ZHX2: variants seen among roughly 807,000 people sequenced by gnomAD.
ZHX2 encodes the protein zinc fingers and homeoboxes 2.
ZHX2 carries 6 observed loss-of-function variants against 21.9 expected under a neutral mutation model. The observed-to-expected ratio is 0.27, with a 90% CI of 0.15 to 0.54. The LOEUF is 0.54. Among genes scored for constraint, ZHX2 ranks in the 20% least tolerant of loss-of-function variants. The pLI, the probability that ZHX2 is intolerant of heterozygous loss-of-function variation, is 0.95. For missense variants in ZHX2, 908 were observed against 1,090.7 expected, an observed-to-expected ratio of 0.83 and a Z score of 2.36; for synonymous variants, 434 against 437.1, an observed-to-expected ratio of 0.99 and a Z score of 0.09.
chr8:122,870,250 C>T (rs1239994502), intron 2 of ZHX2, among the ~76,000 whole-genome samples: 1 of 152,058 alleles, frequency 6.6e-6, no homozygotes, highest in African/African-American at 2.4e-5. Context: ...GTGCCGTGCT[C>T]AGGATGGAGC....
At chr8:122,841,384 A>C (rs1254559474) in intron 1 of ZHX2, among the ~76,000 whole-genome samples, 1 of 152,122 alleles carries the variant, frequency 6.6e-6, no homozygotes, top group Non-Finnish European at 1.5e-5. Context: ...GGCCTTCTCT[A>C]AGGCCTAGAG....
At chr8:122,914,643 A>G (rs946888350) in intron 2 of ZHX2, among the ~76,000 whole-genome samples, 16 of 152,066 alleles carry the variant, frequency 1.1e-4, no homozygotes, top group African/African-American at 3.9e-4. Flanking sequence ...ACTCGCAACC[A>G]ATTTTCTTTC....
intron 2 of ZHX2, among the ~76,000 whole-genome samples, chr8:122,875,149 A>T (rs1295569082): frequency 2.7e-3 from 16 of 5,886 alleles, no homozygotes; most frequent in African/African-American, 6.2e-3. Context: ...ATATATATAT[A>T]TATATATATA....
At chr8:122,921,496 C>T (rs1820738257) in intron 2 of ZHX2, among the ~76,000 whole-genome samples, 1 of 152,092 alleles carries the variant, frequency 6.6e-6, no homozygotes, top group Non-Finnish European at 1.5e-5. Flanking sequence ...GGTTTGGATC[C>T]GCAGATCTTA....
At chr8:122,882,348 T>C (rs2129794395) in intron 2 of ZHX2, among the ~76,000 whole-genome samples, 1 of 152,176 alleles carries the variant, frequency 6.6e-6, no homozygotes, top group Non-Finnish European at 1.5e-5. Flanking sequence ...GACAGCTCTC[T>C]TATTTCCCAA....
intron 2 of ZHX2, among the ~76,000 whole-genome samples, chr8:122,867,413 T>G (rs1819325920): frequency 1.3e-5 from 2 of 152,348 alleles, no homozygotes; most frequent in African/African-American, 4.8e-5. Flanking sequence ...TCTGACCACA[T>G]GGCTGAATGC....
At chr8:122,841,117 G>C (rs549797815) in intron 1 of ZHX2, among the ~76,000 whole-genome samples, 1 of 152,130 alleles carries the variant, frequency 6.6e-6, no homozygotes. Flanking sequence ...GCAGCATTAC[G>C]TACTGCTGCC....
At chr8:122,955,867 C>A (rs1156558876) in intron 3 of ZHX2, among the ~76,000 whole-genome samples, 5 of 113,238 alleles carry the variant, frequency 4.4e-5, no homozygotes, top group African/African-American at 1.5e-4. Context: ...TTTTTTGAGA[C>A]AGAGTCTCAC....
chr8:122,918,236 C>T (rs981670059), intron 2 of ZHX2, among the ~76,000 whole-genome samples: 6 of 152,174 alleles, frequency 3.9e-5, no homozygotes, highest in South Asian at 2.1e-4. Context: ...GACTGTGTCC[C>T]GACCGCCTTT....
intron 1 of ZHX2, among the ~76,000 whole-genome samples, chr8:122,861,218 T>C (rs918976580): frequency 2.0e-5 from 3 of 152,244 alleles, no homozygotes; most frequent in African/African-American, 7.2e-5. Flanking sequence ...TGTGGCTTAC[T>C]ACACTCAGCT....
chr8:122,936,214 A>T (rs925320195), intron 2 of ZHX2, among the ~76,000 whole-genome samples: 2 of 152,194 alleles, frequency 1.3e-5, no homozygotes, highest in Non-Finnish European at 2.9e-5. Context: ...GTTCACTCCC[A>T]GTTTTTGCAG....
intron 1 of ZHX2, chr8:122,807,816 A>T (rs1817852752): frequency 6.6e-6 from 1 of 152,200 alleles, no homozygotes; most frequent in Non-Finnish European, 1.5e-5. Context: ...AGAAGAAGTA[A>T]TTTGCTCAAG....
chr8:122,879,324 A>T (rs1051760302), intron 2 of ZHX2, among the ~76,000 whole-genome samples: 8 of 152,046 alleles, frequency 5.3e-5, no homozygotes, highest in African/African-American at 1.9e-4. Flanking sequence ...CTCCTGCCTC[A>T]GCCTCCCGAG....
chr8:122,874,232 G>A (rs1819512941), intron 2 of ZHX2, among the ~76,000 whole-genome samples: 2 of 152,040 alleles, frequency 1.3e-5, no homozygotes, highest in South Asian at 4.1e-4. Context: ...CAGGGATTAG[G>A]GCACAGGCAT....
At position 122,870,665 on chromosome 8, in the gene ZHX2, AAG is replaced by A. The variant is rs1297591923; in HGVS notation, c.-220+7128_-220+7129del. 1.4e-4 allele frequency among the ~76,000 whole-genome samples: 16 copies of A among 113,678 alleles called. 1 individual carries two copies. Among genetic ancestry groups the A allele is most frequent in the Admixed American group, 2.4e-4 (3 of 12,358 alleles). 74.6% of individuals were successfully genotyped at this position (113,678 alleles called of 152,430 possible). The stretch of plus-strand genomic sequence containing the variant: ...AAAAAAAAAAAAAAAAAAAAAAAAA[AAG>A]AAAGAGAAAGATGAACTGGTCAGAG... On this transcript the variant is annotated intron_variant, in intron 2 of 3. Coordinates refer to ENST00000314393, the MANE Select transcript of ZHX2 (RefSeq NM_014943.5).
At chr8:122,834,688 T>C (rs1406991963) in intron 1 of ZHX2, among the ~76,000 whole-genome samples, 2 of 152,118 alleles carry the variant, frequency 1.3e-5, no homozygotes, top group African/African-American at 2.4e-5. Flanking sequence ...CGGTGGTGGA[T>C]TGGGAGATGA....
At chr8:122,824,715 TG>T (rs1302387893) in intron 1 of ZHX2, among the ~76,000 whole-genome samples, 2 of 152,264 alleles carry the variant, frequency 1.3e-5, no homozygotes, top group African/African-American at 2.4e-5. Context: ...CTATGGCTGC[TG>T]TAACAAATGA....
intron 1 of ZHX2, among the ~76,000 whole-genome samples, chr8:122,849,342 T>G (rs1052907873): frequency 6.6e-6 from 1 of 152,200 alleles, no homozygotes; most frequent in Non-Finnish European, 1.5e-5. Flanking sequence ...GTTGCTTACC[T>G]CTCTATGCCT....
chr8:122,885,803 T>C (rs1419028578), intron 2 of ZHX2, among the ~76,000 whole-genome samples: 1 of 152,130 alleles, frequency 6.6e-6, no homozygotes, highest in Non-Finnish European at 1.5e-5. Flanking sequence ...ATCATAAACA[T>C]TCAACATTGG....
Sources: gnomAD v4.1 joint callset for allele counts (sites outside exome capture counted in the v4.1 genomes callset) on GRCh38, gnomAD v4.1.1 for gene constraint, MANE v1.5 for transcripts, NCBI Gene and HGNC (gene_info 2026-07-23, HGNC 2026-07-21) for gene names.